Variants in CDH7 observed in about 807,000 individuals in gnomAD.
The protein encoded by CDH7 is cadherin 7, also known as cadherin-7.
A neutral mutation model predicts 71.8 loss-of-function variants in CDH7; 25 were observed. The ratio of observed to expected loss-of-function variants is 0.35; its 90% CI spans 0.25 to 0.49. CDH7 has a LOEUF of 0.49. Ranked by LOEUF, CDH7 falls within the 20% of genes least tolerant of loss-of-function variation. The pLI, the probability that CDH7 is intolerant of heterozygous loss-of-function variation, is 0.99. For synonymous variants in CDH7, 381 were observed against 363.8 expected, an observed-to-expected ratio of 1.05 and a Z score of -0.54; for missense variants, 862 against 974.6, an observed-to-expected ratio of 0.88 and a Z score of 1.54.
At chr18:65,768,219 G>GT (rs146097298) in intron 2 of CDH7, among the ~76,000 whole-genome samples, 5 of 94,160 alleles carry the variant, frequency 5.3e-5, no homozygotes, top group Admixed American at 1.0e-4. Flanking sequence ...TATATGCGTT[G>GT]TTGTTTTTTT....
intron 3 of CDH7, among the ~76,000 whole-genome samples, chr18:65,811,735 T>G (rs1354223264): frequency 6.6e-6 from 1 of 152,172 alleles, no homozygotes; most frequent in African/African-American, 2.4e-5. Flanking sequence ...ACATTTTGGT[T>G]GTTCTTCATT....
chr18:65,758,865 T>C (rs564848002), intron 1 of CDH7, among the ~76,000 whole-genome samples: 9 of 152,360 alleles, frequency 5.9e-5, no homozygotes, highest in Admixed American at 4.6e-4. Flanking sequence ...ATGTCAATTA[T>C]GTGCCTACTT....
chr18:65,833,030 T>C (rs1289952264), intron 6 of CDH7, among the ~76,000 whole-genome samples: 2 of 152,236 alleles, frequency 1.3e-5, no homozygotes, highest in African/African-American at 2.4e-5. Context: ...TGTCACACTA[T>C]GAAGACATTT....
chr18:65,860,381 T>G (rs892151705), intron 10 of CDH7, among the ~76,000 whole-genome samples: 2 of 152,156 alleles, frequency 1.3e-5, no homozygotes, highest in African/African-American at 4.8e-5. Context: ...CAAATTGTAT[T>G]TCTCTGCTTC....
chr18:65,795,665 T>C (rs964724103), intron 2 of CDH7, among the ~76,000 whole-genome samples: 1 of 152,200 alleles, frequency 6.6e-6, no homozygotes, highest in Non-Finnish European at 1.5e-5. Flanking sequence ...TAAGTACCAT[T>C]CATAATATGT....
intron 2 of CDH7, among the ~76,000 whole-genome samples, chr18:65,766,879 C>A (rs59189653): frequency 8.9e-6 from 1 of 111,874 alleles, no homozygotes; most frequent in African/African-American, 3.0e-5. Context: ...CTGTAACTGT[C>A]TGACGTAAAA....
At chr18:65,842,388 A>G (rs1391876369) in intron 6 of CDH7, among the ~76,000 whole-genome samples, 1 of 151,910 alleles carries the variant, frequency 6.6e-6, no homozygotes, top group Non-Finnish European at 1.5e-5. Context: ...TGATTTATAT[A>G]TATATATGTG....
chr18:65,830,783 T>C (rs1168111979), intron 6 of CDH7, among the ~76,000 whole-genome samples: 1 of 148,848 alleles, frequency 6.7e-6, no homozygotes, highest in Non-Finnish European at 1.5e-5. Context: ...TATTCTTTCT[T>C]AGCCTTGAGG....
At chr18:65,847,527 A>G (rs765641005) in intron 7 of CDH7, among the ~76,000 whole-genome samples, 2 of 152,158 alleles carry the variant, frequency 1.3e-5, no homozygotes, top group Non-Finnish European at 2.9e-5. Context: ...AGCAAGGCGA[A>G]ATTGATATTG....
chr18:65,792,185 CTTTTTTTTTTT>C (rs71167149), intron 2 of CDH7, among the ~76,000 whole-genome samples: 3 of 104,104 alleles, frequency 2.9e-5, no homozygotes, highest in East Asian at 3.1e-4. Flanking sequence ...TGCAGCCAGT[CTTTTTTTTTTT>C]TTTTTTTTTT....
intron 3 of CDH7, among the ~76,000 whole-genome samples, chr18:65,810,504 A>G (rs1334526699): frequency 2.0e-5 from 3 of 152,188 alleles, no homozygotes; most frequent in Non-Finnish European, 4.4e-5. Flanking sequence ...GTTTAATTGT[A>G]ATGAGTATGC....
chr18:65,821,028 A>G (rs1252977774), intron 4 of CDH7, among the ~76,000 whole-genome samples: 1 of 152,128 alleles, frequency 6.6e-6, no homozygotes, highest in Non-Finnish European at 1.5e-5. Flanking sequence ...TTTCATATAA[A>G]TGAAATATGT....
chr18:65,793,496 A>G (rs1910791530), intron 2 of CDH7, among the ~76,000 whole-genome samples: 1 of 152,130 alleles, frequency 6.6e-6, no homozygotes, highest in African/African-American at 2.4e-5. Context: ...TTTTATTACA[A>G]AACAGAAATA....
intron 2 of CDH7, among the ~76,000 whole-genome samples, chr18:65,796,246 G>A (rs996254170): frequency 1.6e-4 from 25 of 151,866 alleles, no homozygotes; most frequent in Admixed American, 2.0e-4. Context: ...CAAGCATCTG[G>A]AAATAAATAA....
chr18:65,854,336 CAG>C (rs1194622031), intron 7 of CDH7, among the ~76,000 whole-genome samples: 3 of 151,764 alleles, frequency 2.0e-5, no homozygotes, highest in Non-Finnish European at 4.4e-5. Context: ...GGGGAAGCTG[CAG>C]AGTGTATAAT....
chr18:65,837,138 G>A (rs1484114494), intron 6 of CDH7, among the ~76,000 whole-genome samples: 1 of 152,092 alleles, frequency 6.6e-6, no homozygotes, highest in Admixed American at 6.5e-5. Flanking sequence ...TAAAATTCAT[G>A]AGTCACAAAA....
chr18:65,874,282 A>G (rs1229832590), intron 11 of CDH7, among the ~76,000 whole-genome samples: 3 of 152,226 alleles, frequency 2.0e-5, no homozygotes, highest in Non-Finnish European at 4.4e-5. Context: ...CTTTCTTTAC[A>G]GAGTTTTAGG....
intron 2 of CDH7, among the ~76,000 whole-genome samples, chr18:65,797,247 G>A (rs138618855): frequency 2.6e-5 from 4 of 152,200 alleles, no homozygotes; most frequent in African/African-American, 9.6e-5. Flanking sequence ...TGAGAATGTC[G>A]TATTCTCCCA....
intron 2 of CDH7, among the ~76,000 whole-genome samples, chr18:65,780,496 G>A (rs1258382174): frequency 7.3e-6 from 1 of 136,988 alleles, no homozygotes; most frequent in Non-Finnish European, 1.5e-5. Flanking sequence ...GTGTAAGGAA[G>A]GGATCCAGTT....
Sources: gnomAD v4.1 joint callset for allele counts (sites outside exome capture counted in the v4.1 genomes callset) on GRCh38, gnomAD v4.1.1 for gene constraint, MANE v1.5 for transcripts, NCBI Gene and HGNC (gene_info 2026-07-23, HGNC 2026-07-21) for gene names.